Variants in PLXDC2 observed in about 807,000 individuals in gnomAD.
The protein encoded by PLXDC2 is plexin domain containing 2.
Under a neutral mutation model 68.9 loss-of-function variants are expected in PLXDC2, and 40 were observed. The ratio of observed to expected loss-of-function variants is 0.58; its 90% CI spans 0.45 to 0.76. The LOEUF is 0.76. PLXDC2 is among the 30% of genes least tolerant of loss of function. The pLI is 0.00. For missense variants in PLXDC2, 644 were observed against 661.9 expected (o/e 0.97, Z 0.30); for synonymous variants, 243 against 234.2 (o/e 1.04, Z -0.34).
rs148524071 is a variant in PLXDC2 at position 20,076,157 on chromosome 10, C to T, written c.541+7918C>T. ...TATATGCCAGATGCTCTAACATTGT[C>T]GAATCCTGGAAAGTAAAGGAAAGAA... On this transcript the variant is annotated intron_variant, in intron 4 of 13. Transcript: ENST00000377252. Among the ~76,000 whole-genome samples, 487 of 152,254 alleles carry T rather than the reference C, an allele frequency of 3.2e-3. 3 individuals carry two copies. Among genetic ancestry groups the T allele is most frequent in the African/African-American group, 0.01 (432 of 41,544 alleles).
chr10:20,284,588 CTAAA>C lies in PLXDC2; in HGVS notation c.*4774_*4777del, dbSNP rs1288380157. ...TGGGCAACAGAGCAAAACCCCATCT[CTAAA>C]TAAAAAAAAAGAATCGTGAGACATC... On this transcript the variant is annotated 3_prime_UTR_variant, in exon 14 of 14. Coordinates refer to ENST00000377252, the MANE Select transcript of PLXDC2 (RefSeq NM_032812.9). 6.6e-6 allele frequency: 1 copy of C among 151,292 alleles called. No individual in the cohort carries two copies. The highest frequency in any genetic ancestry group is 1.5e-5 in the Non-Finnish European group (1 of 67,886). The allele number at this position is 151,292 out of a possible 1,614,324, so 9.4% of individuals were successfully genotyped here.
chr10:20,050,489 C>T (rs1292197482), intron 3 of PLXDC2, among the ~76,000 whole-genome samples: 1 of 151,930 alleles, frequency 6.6e-6, no homozygotes, highest in Non-Finnish European at 1.5e-5. Flanking sequence ...TATCCAGCAT[C>T]TATAGGGAAC....
intron 4 of PLXDC2, among the ~76,000 whole-genome samples, chr10:20,115,124 T>C (rs1247296065): frequency 2.0e-5 from 3 of 152,196 alleles, no homozygotes; most frequent in African/African-American, 7.2e-5. Flanking sequence ...TGGATAGTAG[T>C]CGTGTTGCCA....
At chr10:20,172,115 AG>A (rs1373347442) in intron 7 of PLXDC2, among the ~76,000 whole-genome samples, 1 of 152,026 alleles carries the variant, frequency 6.6e-6, no homozygotes, top group African/African-American at 2.4e-5. Flanking sequence ...AAGAAAGAAA[AG>A]GAAAAACATT....
intron 4 of PLXDC2, among the ~76,000 whole-genome samples, chr10:20,068,996 T>C (rs1836270471): frequency 6.6e-6 from 1 of 151,934 alleles, no homozygotes; most frequent in African/African-American, 2.4e-5. Context: ...GAAAAACACA[T>C]AAAAATGGAA....
intron 1 of PLXDC2, among the ~76,000 whole-genome samples, chr10:19,978,032 A>G (rs1005178585): frequency 6.6e-6 from 1 of 152,104 alleles, no homozygotes; most frequent in East Asian, 1.9e-4. Flanking sequence ...TAATCCTCCT[A>G]AATTTCCTAC....
rs189494621 is a variant in PLXDC2 at position 20,092,824 on chromosome 10, G to A, written c.541+24585G>A. ...GATTTTACAAGCAGAACAAGAGGAA[G>A]CAATGCAACCACGGGGAAAGAGATC... On this transcript the variant is annotated intron_variant, in intron 4 of 13. Coordinates refer to ENST00000377252, the MANE Select transcript of PLXDC2 (RefSeq NM_032812.9). Among the ~76,000 whole-genome samples the A allele has an allele frequency of 2.5e-3, 377 of 152,068 alleles. 2 individuals are homozygous for A. Among genetic ancestry groups the A allele is most frequent in the African/African-American group, 8.2e-3 (341 of 41,506 alleles).
At chr10:19,851,498 A>G (rs1837117371) in intron 1 of PLXDC2, among the ~76,000 whole-genome samples, 1 of 152,190 alleles carries the variant, frequency 6.6e-6, no homozygotes, top group African/African-American at 2.4e-5. Flanking sequence ...ACCAATCAAG[A>G]GAGCTGGGGT....
At chr10:19,926,120 T>C (rs954469994) in intron 1 of PLXDC2, among the ~76,000 whole-genome samples, 4 of 152,236 alleles carry the variant, frequency 2.6e-5, no homozygotes, top group African/African-American at 9.6e-5. Context: ...AATACAGTTC[T>C]ACCTGGTCTG....
In PLXDC2 at chr10:20,281,200, G is replaced by C. The variant is rs1564375433; in HGVS notation, c.*1381G>C. ...GTGGATGCAGAAAGCTCCTTAAATG[G>C]AGATATCGATTGCCTTGGAATCACA... On this transcript the variant is annotated 3_prime_UTR_variant, in exon 14 of 14. Transcript: ENST00000377252. The C allele has an allele frequency of 6.6e-6, 1 of 152,070 alleles. No individual in the cohort carries two copies. Among genetic ancestry groups the C allele is most frequent in the Non-Finnish European group, 1.5e-5 (1 of 68,018 alleles). 9.4% of individuals were successfully genotyped at this position (152,070 alleles called of 1,614,324 possible).
chr10:20,041,815 G>A (rs1589601000), intron 2 of PLXDC2, among the ~76,000 whole-genome samples: 1 of 152,086 alleles, frequency 6.6e-6, no homozygotes, highest in Non-Finnish European at 1.5e-5. Flanking sequence ...CTTATGGACA[G>A]CCTCCTTCTG....
intron 1 of PLXDC2, among the ~76,000 whole-genome samples, chr10:19,988,337 T>A (rs1425356758): frequency 6.6e-6 from 1 of 152,218 alleles, no homozygotes; most frequent in African/African-American, 2.4e-5. Context: ...TATTTTTTTG[T>A]GCTATAGTTC....
At chr10:20,024,566 T>A (rs1304250777) in intron 2 of PLXDC2, among the ~76,000 whole-genome samples, 1 of 152,180 alleles carries the variant, frequency 6.6e-6, no homozygotes, top group Admixed American at 6.5e-5. Context: ...ATAACTTTTG[T>A]TCTTGTTTTT....
chr10:20,109,548 C>T (rs1045636455), intron 4 of PLXDC2, among the ~76,000 whole-genome samples: 3 of 152,108 alleles, frequency 2.0e-5, no homozygotes, highest in African/African-American at 7.2e-5. Context: ...ACATTCTGCT[C>T]CAGTGTTTGT....
intron 1 of PLXDC2, among the ~76,000 whole-genome samples, chr10:19,978,727 T>C (rs1312642060): frequency 2.6e-5 from 4 of 152,240 alleles, no homozygotes; most frequent in South Asian, 2.1e-4. Flanking sequence ...CTAACAATCA[T>C]TCATAATTCC....
intron 9 of PLXDC2, among the ~76,000 whole-genome samples, chr10:20,198,890 G>A (rs2131845959): frequency 6.6e-6 from 1 of 152,120 alleles, no homozygotes; most frequent in East Asian, 1.9e-4. Flanking sequence ...TCTTCATACT[G>A]ATAAAGTACA....
At chr10:20,184,836 A>G (rs1473628756) in intron 9 of PLXDC2, among the ~76,000 whole-genome samples, 2 of 151,892 alleles carry the variant, frequency 1.3e-5, no homozygotes, top group Non-Finnish European at 2.9e-5. Context: ...AACTGTGGGT[A>G]TGTCCTTTGC....
chr10:20,022,639 G>A (rs950067624), intron 2 of PLXDC2, among the ~76,000 whole-genome samples: 4 of 152,184 alleles, frequency 2.6e-5, no homozygotes, highest in East Asian at 1.9e-4. Flanking sequence ...TCCTCTACAC[G>A]CTTTGACACA....
chr10:19,959,816 C>T (rs1197693664), intron 1 of PLXDC2, among the ~76,000 whole-genome samples: 1 of 152,162 alleles, frequency 6.6e-6, no homozygotes, highest in Non-Finnish European at 1.5e-5. Flanking sequence ...TTGTTCAACA[C>T]TTTCACCCCC....
Sources: gnomAD v4.1 joint callset for allele counts (sites outside exome capture counted in the v4.1 genomes callset) on GRCh38, gnomAD v4.1.1 for gene constraint, MANE v1.5 for transcripts, NCBI Gene and HGNC (gene_info 2026-07-23, HGNC 2026-07-21) for gene names.